Variants in OR6P1 observed in about 807,000 individuals in gnomAD.
OR6P1 encodes the protein olfactory receptor family 6 subfamily P member 1.
OR6P1 carries 5 observed loss-of-function variants against 6.6 expected under a neutral mutation model. The observed-to-expected ratio is 0.76, with a 90% confidence interval of 0.40 to 1.60. OR6P1 has a LOEUF of 1.60. Ranked by LOEUF, OR6P1 falls within the 40% of genes most tolerant of loss-of-function variation. The pLI, the probability that OR6P1 is intolerant of heterozygous loss-of-function variation, is 0.02. For missense variants in OR6P1, 451 were observed against 383.0 expected (o/e 1.18, Z -1.48); for synonymous variants, 177 against 149.6 (o/e 1.18, Z -1.33).
rs149493112 is a variant in OR6P1 at position 158,563,032 on chromosome 1, G to A, written c.573C>T (p.Asp191=). 1,104 of 1,551,608 alleles carry A rather than the reference G, an allele frequency of 7.1e-4. 24 individuals are homozygous for A. The East Asian group carries it at 0.026, about 37-fold the overall frequency. ...AGTCTACTAGCTCTGCTTGCTCCTT[G>A]TCAGAGCAGGTGAGGTTGAGTAGTG... The part of the protein sequence containing the change: ...ISPLLNLTCS[D]KEQAELVDFL... The change falls in exon 3 of 3, where the codon GAC becomes GAT. Residue 191 remains aspartate, a synonymous_variant. Transcript: ENST00000641540.
chr1:158,563,362 G>C lies in OR6P1; in HGVS notation c.243C>G (p.Leu81=). The change falls in exon 3 of 3, where the codon CTC becomes CTG. Residue 81 remains leucine (L), a synonymous_variant. Coordinates refer to ENST00000641540, the MANE Select transcript of OR6P1 (RefSeq NM_001160325.2). ...CATCCTGGGTAAGAAAGGCTGCCAA[G>C]AGCCGAGGAATGGTGACATTGATGT... ...LWYINVTIPR[L]LAAFLTQDGR... The C allele has an allele frequency of 6.4e-7, 1 of 1,551,548 alleles. No homozygotes were observed.
intron 2 of OR6P1, 65 bp from the exon 3 acceptor site, chr1:158,563,691 C>G: frequency 1.3e-6 from 1 of 797,710 alleles, no homozygotes. Context: ...CCAACATACT[C>G]TCACAGGTTA....
intron 2 of OR6P1, among the ~76,000 whole-genome samples, chr1:158,566,143 A>C (rs1195455460): frequency 2.0e-5 from 3 of 152,208 alleles, no homozygotes; most frequent in Non-Finnish European, 4.4e-5. Flanking sequence ...AAAAAAAATT[A>C]AAGAGAAGTG....
At chr1:158,567,793 T>TAAATAAATAAATAAATAAATA (rs375171603) in intron 1 of OR6P1, among the ~76,000 whole-genome samples, 1 of 147,230 alleles carries the variant, frequency 6.8e-6, no homozygotes, top group South Asian at 2.2e-4. Flanking sequence ...TAAAGTATAA[T>TAAATAAATAAATAAATAAATA]AATAAATAAA....
intron 2 of OR6P1, among the ~76,000 whole-genome samples, chr1:158,564,107 G>T (rs1571338208): frequency 6.6e-6 from 1 of 152,150 alleles, no homozygotes; most frequent in Non-Finnish European, 1.5e-5. Flanking sequence ...AAGGCAACAC[G>T]GCAGTATGAA....
intron 2 of OR6P1, among the ~76,000 whole-genome samples, chr1:158,565,945 G>A (rs1179449046): frequency 1.3e-5 from 2 of 152,086 alleles, no homozygotes; most frequent in Non-Finnish European, 2.9e-5. Context: ...TCATCTATTA[G>A]CTGACAACTT....
At chr1:158,568,817 C>G (rs1415956569) in intron 1 of OR6P1, among the ~76,000 whole-genome samples, 1 of 152,120 alleles carries the variant, frequency 6.6e-6, no homozygotes, top group African/African-American at 2.4e-5. Flanking sequence ...CCTTCACACT[C>G]ACAGCTGCTA....
chr1:158,562,854 A>G lies in OR6P1; in HGVS notation c.751T>C (p.Tyr251His), dbSNP rs1647989358. 1.3e-6 allele frequency: 2 copies of G among 1,551,930 alleles called. No individual in the cohort carries two copies. Among genetic ancestry groups the G allele is most frequent in the Non-Finnish European group, 1.7e-6 (2 of 1,147,082 alleles). ...TAGGTGAAGAGAGTGGAGGAGTAGT[A>G]GATAACAACCACTGCCAGATGAGCG... ...CAAHLAVVVI[Y>H]YSSTLFTYAR... is the part of the protein sequence containing the mutation. Residue 251 changes from tyrosine (Y) to histidine (H), a missense_variant, in exon 3 of 3, where the codon TAC (tyrosine) becomes CAC (histidine). Coordinates refer to ENST00000641540, the MANE Select transcript of OR6P1 (RefSeq NM_001160325.2).
chr1:158,567,121 C>A (rs863349), intron 1 of OR6P1, among the ~76,000 whole-genome samples: 74,507 of 147,772 alleles, frequency 0.5, 19,143 homozygotes, highest in African/African-American at 0.61. Context: ...TTAGAATGGC[C>A]ATCATTAAAA....
chr1:158,561,846 C>T lies in OR6P1; in HGVS notation c.*805G>A, dbSNP rs774556028. 3.3e-5 allele frequency: 5 copies of T among 152,122 alleles called. No homozygotes were observed. Among genetic ancestry groups the T allele is most frequent in the Non-Finnish European group, 1.5e-5 (1 of 68,010 alleles). The allele number at this position is 152,122 out of a possible 1,614,324, so 9.4% of individuals were successfully genotyped here. ...AACACAATTTAAAATATTTCACTATCGGTATAGCCCTGGCACTAATTACTT... is the reference window on the plus strand; with the variant it reads ...AACACAATTTAAAATATTTCACTATTGGTATAGCCCTGGCACTAATTACTT... On this transcript the variant is annotated 3_prime_UTR_variant, in exon 3 of 3. Coordinates refer to ENST00000641540, the MANE Select transcript of OR6P1 (RefSeq NM_001160325.2).
chr1:158,565,560 T>C (rs114501610), intron 2 of OR6P1, among the ~76,000 whole-genome samples: 2,143 of 152,230 alleles, frequency 0.014, 64 homozygotes, highest in African/African-American at 0.049. Flanking sequence ...CTAGCTGTTA[T>C]ATAATTAGCA....
chr1:158,563,178 G>T lies in OR6P1; in HGVS notation c.427C>A (p.Arg143Ser), dbSNP rs144414153. 1.9e-6 allele frequency: 3 copies of T among 1,551,386 alleles called. No homozygotes were observed. The highest frequency in any genetic ancestry group is 2.6e-6 in the Non-Finnish European group (3 of 1,146,968). The change falls in exon 3 of 3, where the codon CGC (arginine) becomes AGC (serine). Residue 143 changes from arginine (R) to serine (S), a missense_variant. By Grantham distance (110) the Arg-to-Ser change is moderately radical. Transcript: ENST00000641540. Reference protein sequence around the residue: ...PSLMPSSLATRLAAASWGSGF... With the variant: ...PSLMPSSLATSLAAASWGSGF... ...CTGCCCCAAGAGGCAGCAGCAAGGC[G>T]AGTGGCCAGACTGGAAGGCATGAGA...
rs368930456 is a variant in OR6P1, at chr1:158,562,818, G to T, written c.787C>A (p.Arg263=). Residue 263 remains arginine (R), a synonymous_variant, in exon 3 of 3, where the codon CGG becomes AGG. Coordinates refer to ENST00000641540, the MANE Select transcript of OR6P1 (RefSeq NM_001160325.2). ...TTGTGGTTGAAGGTGTACATGGCCC[G>T]GGGCCGTGCATAGGTGAAGAGAGTG... ...SSTLFTYARP[R]AMYTFNHNKI... is the part of the protein sequence containing the mutation. The T allele has an allele frequency of 7.7e-6, 12 of 1,551,944 alleles. No individual in the cohort carries two copies. The highest frequency in any genetic ancestry group is 1.0e-5 in the Non-Finnish European group (12 of 1,147,108).
At chr1:158,566,220 G>A (rs116292365) in intron 2 of OR6P1, among the ~76,000 whole-genome samples, 1 of 152,096 alleles carries the variant, frequency 6.6e-6, no homozygotes, top group East Asian at 1.9e-4. Flanking sequence ...GAAGATGAGA[G>A]AATCAGTCCT....
intron 2 of OR6P1, among the ~76,000 whole-genome samples, 168 bp from the exon 3 acceptor site, chr1:158,563,794 C>T (rs1303331005): frequency 6.6e-6 from 1 of 152,154 alleles, no homozygotes; most frequent in Non-Finnish European, 1.5e-5. Flanking sequence ...GAAAAGTTAA[C>T]AGACCTGAGT....
chr1:158,562,792 G>A lies in OR6P1; in HGVS notation c.813C>T (p.Asn271=), dbSNP rs1387451345. 6.4e-6 allele frequency: 10 copies of A among 1,552,428 alleles called. No homozygotes were observed. The East Asian group carries it at 2.4e-4, about 38-fold the overall frequency. The change falls in exon 3 of 3, where the codon AAC becomes AAT. Residue 271 remains asparagine (N), a synonymous_variant. Coordinates refer to ENST00000641540, the MANE Select transcript of OR6P1 (RefSeq NM_001160325.2). ...TAGTGTAGAGCACAGAGATAATCTT[G>A]TTGTGGTTGAAGGTGTACATGGCCC... The part of the protein sequence containing the change: ...RPRAMYTFNH[N]KIISVLYTII...
In OR6P1 at chr1:158,560,713, AG is replaced by A. The variant is rs1457230530; in HGVS notation, c.*1937del. 5.9e-5 allele frequency: 9 copies of A among 152,286 alleles called. No homozygotes were observed. In the East Asian group the frequency reaches 1.7e-3, roughly 29 times the overall value. 9.4% of individuals were successfully genotyped at this position (152,286 alleles called of 1,614,324 possible). On this transcript the variant is annotated 3_prime_UTR_variant, in exon 3 of 3. Coordinates refer to ENST00000641540, the MANE Select transcript of OR6P1 (RefSeq NM_001160325.2). ...GTAGGTGGACATAAGATTTTCATCA[AG>A]GGGTGCAGAGTCCACCTTAACTTGG...
Position 158,563,090 on chromosome 1 carries a change from T to C in OR6P1, c.515A>G (p.Asn172Ser). The C allele has an allele frequency of 3.9e-6, 6 of 1,551,840 alleles. No homozygotes were observed. The highest frequency in any genetic ancestry group is 5.2e-6 in the Non-Finnish European group (6 of 1,147,046). Reference protein sequence around the residue: ...FISQLSYCGPNIINHFFCDIS... With the variant: ...FISQLSYCGPSIINHFFCDIS... ...ATCACAGAAAAAGTGGTTGATAATG[T>C]TGGGTCCACAGTAGGACAATTGGGA... The change falls in exon 3 of 3, where the codon AAC becomes AGC. Residue 172 changes from asparagine to serine, a missense_variant. Physicochemically the swap from Asn to Ser is conservative, Grantham distance 46 (BLOSUM62 1). Transcript: ENST00000641540.
chr1:158,569,948 A>T (rs1188828492), intron 1 of OR6P1, among the ~76,000 whole-genome samples: 6 of 152,162 alleles, frequency 3.9e-5, no homozygotes, highest in Non-Finnish European at 8.8e-5. Flanking sequence ...TTCTCTGTGT[A>T]TGGCAGTCAA....
Sources: gnomAD v4.1 joint callset for allele counts (sites outside exome capture counted in the v4.1 genomes callset) on GRCh38, gnomAD v4.1.1 for gene constraint, MANE v1.5 for transcripts, NCBI Gene and HGNC (gene_info 2026-07-23, HGNC 2026-07-21) for gene names.